The following MAML3 variants were observed in gnomAD, a reference collection of about 807,000 sequenced individuals.
The protein encoded by MAML3 is mastermind-like protein 3.
MAML3 carries 27 observed loss-of-function variants against 101.9 expected under a neutral mutation model. The ratio of observed to expected loss-of-function variants is 0.27; its 90% confidence interval spans 0.20 to 0.37. The LOEUF is 0.37. Among genes scored for constraint, MAML3 ranks in the 10% least tolerant of loss-of-function variants. MAML3 has a pLI of 1.00. For missense variants in MAML3, 1,316 were observed against 1,444.9 expected (o/e 0.91, Z 1.45); for synonymous variants, 501 against 555.9 (o/e 0.90, Z 1.39).
chr4:139,982,956 C>T (rs542971403), intron 1 of MAML3, among the ~76,000 whole-genome samples: 16 of 152,140 alleles, frequency 1.1e-4, no homozygotes, highest in Non-Finnish European at 1.9e-4. Flanking sequence ...CTGCTTTTGC[C>T]TTCAGTTTTG....
chr4:140,035,798 C>A (rs1198486828), intron 1 of MAML3, among the ~76,000 whole-genome samples: 58 of 144,202 alleles, frequency 4.0e-4, no homozygotes, highest in Admixed American at 5.5e-4. Flanking sequence ...AAAAAAAAAA[C>A]CCAAAAACAA....
At chr4:140,045,870 A>T (rs1727174717) in intron 1 of MAML3, among the ~76,000 whole-genome samples, 1 of 152,202 alleles carries the variant, frequency 6.6e-6, no homozygotes, top group Admixed American at 6.5e-5. Flanking sequence ...TACTTAGAGA[A>T]AATAGAACCA....
At chr4:139,897,245 G>T (rs929581760) in intron 1 of MAML3, among the ~76,000 whole-genome samples, 11 of 152,200 alleles carry the variant, frequency 7.2e-5, no homozygotes, top group Admixed American at 2.0e-4. Context: ...GATTCTAAAA[G>T]ATAGGTTTTA....
At chr4:139,898,619 A>G (rs1328460305) in intron 1 of MAML3, among the ~76,000 whole-genome samples, 1 of 152,216 alleles carries the variant, frequency 6.6e-6, no homozygotes, top group South Asian at 2.1e-4. Context: ...TGAAGATAAG[A>G]GAGTCTTAGC....
chr4:140,097,057 T>C (rs1047187045), intron 1 of MAML3, among the ~76,000 whole-genome samples: 6 of 152,136 alleles, frequency 3.9e-5, no homozygotes, highest in Admixed American at 6.5e-5. Flanking sequence ...GTGCACAGCC[T>C]AAAACAGCCC....
intron 1 of MAML3, among the ~76,000 whole-genome samples, chr4:140,151,717 A>G (rs1397262263): frequency 3.5e-5 from 5 of 143,402 alleles, no homozygotes; most frequent in Non-Finnish European, 7.7e-5. Context: ...CACCTTTCCC[A>G]AGCTTCCGGC....
At chr4:140,098,256 A>G (rs1340572253) in intron 1 of MAML3, among the ~76,000 whole-genome samples, 3 of 152,232 alleles carry the variant, frequency 2.0e-5, no homozygotes, top group South Asian at 2.1e-4. Context: ...GGTTTTTTGA[A>G]TCCGAGCTCT....
At chr4:140,020,237 A>G (rs4863726) in intron 1 of MAML3, among the ~76,000 whole-genome samples, 114,040 of 152,086 alleles carry the variant, frequency 0.75, 44,126 homozygotes, top group East Asian at 0.94. Flanking sequence ...ATTTCTCCAG[A>G]AAAGAAATGC....
chr4:139,790,140 G>A (rs947800621), intron 2 of MAML3, among the ~76,000 whole-genome samples: 3 of 150,020 alleles, frequency 2.0e-5, no homozygotes, highest in African/African-American at 7.4e-5. Flanking sequence ...CGGCTTGGGA[G>A]AAACAGGTAG....
At chr4:139,798,034 G>GAGAGAGAAAGAAAGAA (rs1308897622) in intron 2 of MAML3, among the ~76,000 whole-genome samples, 1 of 124,472 alleles carries the variant, frequency 8.0e-6, no homozygotes, top group Non-Finnish European at 1.7e-5. Flanking sequence ...AGGAGAGAGA[G>GAGAGAGAAAGAAAGAA]AGAAAGAAAG....
At chr4:139,954,500 G>A (rs1314563663) in intron 1 of MAML3, among the ~76,000 whole-genome samples, 2 of 152,188 alleles carry the variant, frequency 1.3e-5, no homozygotes, top group South Asian at 2.1e-4. Flanking sequence ...CCCATGACAA[G>A]TACAGCTGCT....
intron 1 of MAML3, among the ~76,000 whole-genome samples, chr4:140,051,673 G>A (rs1578659880): frequency 6.6e-6 from 1 of 152,154 alleles, no homozygotes; most frequent in South Asian, 2.1e-4. Flanking sequence ...AAGTAATGCT[G>A]AAAATTTAAA....
intron 1 of MAML3, among the ~76,000 whole-genome samples, chr4:140,097,810 C>T (rs1728188015): frequency 6.6e-6 from 1 of 152,156 alleles, no homozygotes; most frequent in Non-Finnish European, 1.5e-5. Flanking sequence ...AGACTTTTAA[C>T]CAGATGGGAA....
chr4:139,812,761 G>C (rs576671662), intron 2 of MAML3, among the ~76,000 whole-genome samples: 1 of 152,108 alleles, frequency 6.6e-6, no homozygotes, highest in African/African-American at 2.4e-5. Context: ...AATCACTGCC[G>C]CTTGAGAGTC....
At chr4:140,032,616 A>G (rs1726925173) in intron 1 of MAML3, among the ~76,000 whole-genome samples, 1 of 152,152 alleles carries the variant, frequency 6.6e-6, no homozygotes, top group African/African-American at 2.4e-5. Flanking sequence ...TTAGACTCAC[A>G]TCCATATCAA....
At chr4:139,726,601 A>C (rs927772256) in intron 3 of MAML3, among the ~76,000 whole-genome samples, 2 of 150,682 alleles carry the variant, frequency 1.3e-5, no homozygotes, top group Non-Finnish European at 2.9e-5. Context: ...GGGCATAGGA[A>C]GATGACATCC....
At chr4:139,942,211 A>AGGCAGGCAGGCAGGC (rs879494193) in intron 1 of MAML3, among the ~76,000 whole-genome samples, 19 of 148,898 alleles carry the variant, frequency 1.3e-4, no homozygotes, top group African/African-American at 3.8e-4. Context: ...GGCAGGCAGG[A>AGGCAGGCAGGCAGGC]AGGAAGACAT....
chr4:139,857,015 A>G (rs1033460716), intron 2 of MAML3, among the ~76,000 whole-genome samples: 1 of 152,248 alleles, frequency 6.6e-6, no homozygotes, highest in Non-Finnish European at 1.5e-5. Context: ...AAAGAAGATA[A>G]TTAATTAGCA....
At chr4:140,008,463 CAA>C (rs1288210932) in intron 1 of MAML3, among the ~76,000 whole-genome samples, 2 of 152,172 alleles carry the variant, frequency 1.3e-5, no homozygotes, top group Non-Finnish European at 2.9e-5. Context: ...AACACTTTTT[CAA>C]ATAAGGTAGG....
Sources: gnomAD v4.1 joint callset for allele counts (sites outside exome capture counted in the v4.1 genomes callset) on GRCh38, gnomAD v4.1.1 for gene constraint, MANE v1.5 for transcripts, NCBI Gene and HGNC (gene_info 2026-07-23, HGNC 2026-07-21) for gene names.